Variants in MEDAG observed in about 807,000 individuals in gnomAD.
The protein encoded by MEDAG is mesenteric estrogen-dependent adipogenesis protein.
A neutral mutation model predicts 29.9 loss-of-function variants in MEDAG; 25 were observed. That is an observed-to-expected ratio of 0.84 (90% CI 0.61 to 1.17). MEDAG has a LOEUF of 1.17. MEDAG is among the 50% of genes most tolerant of loss of function. MEDAG has a pLI of 0.00. For missense variants in MEDAG, 398 were observed against 372.9 expected, an observed-to-expected ratio of 1.07 and a Z score of -0.56; for synonymous variants, 158 against 148.2, an observed-to-expected ratio of 1.07 and a Z score of -0.48.
At chr13:30,913,224 T>C (rs540509369) in intron 1 of MEDAG, among the ~76,000 whole-genome samples, 40 of 152,140 alleles carry the variant, frequency 2.6e-4, no homozygotes, top group Admixed American at 1.0e-3. Context: ...GGGTTGTTTG[T>C]TTGTTTGTTG....
Position 30,924,605 on chromosome 13 carries a change from C to A in MEDAG, c.*170C>A. ...TCTTCTGCTTCTGTGGATGTGATGC[C>A]CTGGCAGGCCCAGGGCAGCTGATTC... On this transcript the variant is annotated 3_prime_UTR_variant, in exon 5 of 5. Coordinates refer to ENST00000380482, the MANE Select transcript of MEDAG (RefSeq NM_032849.4). The A allele has an allele frequency of 1.6e-6, 1 of 616,192 alleles. No homozygotes were observed. Among genetic ancestry groups the A allele is most frequent in the South Asian group, 2.8e-5 (1 of 35,770 alleles). The allele number at this position is 616,192 out of a possible 1,614,324, so 38.2% of individuals were successfully genotyped here. A position where few individuals can be genotyped will look rare whatever the true frequency, so the allele number is the denominator to read the frequency against.
intron 1 of MEDAG, among the ~76,000 whole-genome samples, chr13:30,907,890 GATA>G (rs1952845345): frequency 6.6e-6 from 1 of 152,214 alleles, no homozygotes; most frequent in African/African-American, 2.4e-5. Context: ...CTTTTCCAAA[GATA>G]GTGAGGGCTC....
intron 1 of MEDAG, among the ~76,000 whole-genome samples, chr13:30,913,838 C>T (rs543708494): frequency 3.9e-5 from 6 of 152,080 alleles, no homozygotes; most frequent in South Asian, 2.1e-4. Context: ...GTCAGGAGTT[C>T]GAGACCAGCC....
intron 1 of MEDAG, among the ~76,000 whole-genome samples, chr13:30,914,355 A>G (rs1410986304): frequency 6.6e-6 from 1 of 152,142 alleles, no homozygotes; most frequent in African/African-American, 2.4e-5. Flanking sequence ...TCTTGGCACA[A>G]TCTCTTGTCT....
Position 30,925,514 on chromosome 13 carries a change from A to G in MEDAG, c.*1079A>G, listed in dbSNP as rs947196841. ...GAAATGTTATGTACCACATTTGCAC[A>G]ATTAAAACTTTTCTTAGCATTCAAC... On this transcript the variant is annotated 3_prime_UTR_variant, in exon 5 of 5. Coordinates refer to ENST00000380482, the MANE Select transcript of MEDAG (RefSeq NM_032849.4). 6.6e-6 allele frequency: 1 copy of G among 152,200 alleles called. No homozygotes were observed. The highest frequency in any genetic ancestry group is 1.5e-5 in the Non-Finnish European group (1 of 68,036). The allele number at this position is 152,200 out of a possible 1,614,324, so 9.4% of individuals were successfully genotyped here.
intron 1 of MEDAG, among the ~76,000 whole-genome samples, chr13:30,915,234 A>G (rs751757572): frequency 6.6e-5 from 10 of 152,146 alleles, no homozygotes; most frequent in Non-Finnish European, 1.3e-4. Flanking sequence ...TGCCTGCCTA[A>G]TGATGATTTC....
At chr13:30,918,323 T>C (rs2138124240) in intron 2 of MEDAG, among the ~76,000 whole-genome samples, 1 of 152,308 alleles carries the variant, frequency 6.6e-6, no homozygotes, top group Non-Finnish European at 1.5e-5. Context: ...TATCAATAAT[T>C]ATTCTGGGAA....
chr13:30,911,246 G>A (rs534490703), intron 1 of MEDAG, among the ~76,000 whole-genome samples: 55 of 152,266 alleles, frequency 3.6e-4, no homozygotes, highest in Non-Finnish European at 1.8e-4. Context: ...AGATTCTACA[G>A]GTGAGGAAAA....
At chr13:30,915,613 G>A (rs890018860) in intron 1 of MEDAG, among the ~76,000 whole-genome samples, 10 of 152,018 alleles carry the variant, frequency 6.6e-5, no homozygotes, top group African/African-American at 2.2e-4. Flanking sequence ...ATAAAAAAAA[G>A]GGCAGGAAAA....
Position 30,925,571 on chromosome 13 carries a change from C to A in MEDAG, c.*1136C>A, listed in dbSNP as rs149448714. On this transcript the variant is annotated 3_prime_UTR_variant, in exon 5 of 5. Coordinates refer to ENST00000380482, the MANE Select transcript of MEDAG (RefSeq NM_032849.4). ...TTGATTAAATTTATGACTGAGGCTT[C>A]ATGTGAGCTTTCCATTGTGGTTTGT... is the stretch of plus-strand genomic sequence containing the variant. 1 of 152,190 alleles carries A rather than the reference C, an allele frequency of 6.6e-6. No individual in the cohort carries two copies. The highest frequency in any genetic ancestry group is 2.4e-5 in the African/African-American group (1 of 41,438). 9.4% of individuals were successfully genotyped at this position (152,190 alleles called of 1,614,324 possible).
In MEDAG at chr13:30,921,489, G is replaced by A. The variant is rs549429506; in HGVS notation, c.502-72G>A. The A allele has an allele frequency of 8.7e-5, 119 of 1,361,524 alleles. No homozygotes were observed. The African/African-American group carries it at 1.4e-3, about 16-fold the overall frequency. The allele number at this position is 1,361,524 out of a possible 1,614,324, so 84.3% of individuals were successfully genotyped here. ...GGTGTGATGTTTTGGATATTTAGGC[G>A]GTTGTTAGTTCTACAATGTCAACAG... is the stretch of plus-strand genomic sequence containing the variant. On this transcript the variant is annotated intron_variant, in intron 3 of 4. Transcript: ENST00000380482.
chr13:30,923,049 T>C (rs1230571208), intron 4 of MEDAG, among the ~76,000 whole-genome samples: 1 of 152,094 alleles, frequency 6.6e-6, no homozygotes, highest in African/African-American at 2.4e-5. Flanking sequence ...GCCTCCCAAG[T>C]AGCTGGGACT....
Position 30,906,394 on chromosome 13 carries a change from C to G in MEDAG, c.-122C>G. 9.0e-7 allele frequency: 1 copy of G among 1,110,578 alleles called. No homozygotes were observed. The highest frequency in any genetic ancestry group is 2.5e-5 in the South Asian group (1 of 39,880). 68.8% of individuals were successfully genotyped at this position (1,110,578 alleles called of 1,614,324 possible). On this transcript the variant is annotated 5_prime_UTR_variant, in exon 1 of 5. Coordinates refer to ENST00000380482, the MANE Select transcript of MEDAG (RefSeq NM_032849.4). ...GGCCAGGCGGGCAGACCGACCCCCT[C>G]CTCACCTCGCGCGCGGCTGACGCAG...
rs1456590434 is a variant in MEDAG at position 30,921,093 on chromosome 13, C to G, written c.468C>G (p.Ile156Met). Residue 156 changes from isoleucine to methionine, a missense_variant, in exon 3 of 5, where the codon ATC becomes ATG. Transcript: ENST00000380482. Reference sequence around the variant, plus strand: ...TAGAGCAAGGGATGGACATGGTCATCTCCTCAGTGATTGGAGAAAGTTACC... The same window carrying G: ...TAGAGCAAGGGATGGACATGGTCATGTCCTCAGTGATTGGAGAAAGTTACC... ...RQIEQGMDMV[I>M]SSVIGESYRL... 10 of 1,614,142 alleles carry G rather than the reference C, an allele frequency of 6.2e-6. No individual in the cohort carries two copies. Among genetic ancestry groups the G allele is most frequent in the Non-Finnish European group, 6.8e-6 (8 of 1,180,006 alleles).
chr13:30,907,056 G>A (rs1348867322), intron 1 of MEDAG, among the ~76,000 whole-genome samples: 2 of 152,232 alleles, frequency 1.3e-5, no homozygotes, highest in Non-Finnish European at 2.9e-5. Context: ...GCGAGGGGGA[G>A]GGCAGGGGCC....
At position 30,917,404 on chromosome 13, in the gene MEDAG, T is replaced by C. The variant is rs921517854; in HGVS notation, c.280T>C (p.Tyr94His). The C allele has an allele frequency of 6.5e-7, 1 of 1,527,362 alleles. No individual in the cohort carries two copies. Among genetic ancestry groups the C allele is most frequent in the Non-Finnish European group, 9.1e-7 (1 of 1,101,318 alleles). 94.6% of individuals were successfully genotyped at this position (1,527,362 alleles called of 1,614,324 possible). ...LYRLSSYIKR[Y>H]VELTNYCDYK... ...GCAATGATCTCTGCTTCTTCATAGG[T>C]ATGTGGAACTGACCAACTACTGTGA... The change falls in exon 2 of 5, where the codon TAT (tyrosine) becomes CAT (histidine). Residue 94 changes from tyrosine (Y) to histidine (H), a missense_variant and splice_region_variant. Coordinates refer to ENST00000380482, the MANE Select transcript of MEDAG (RefSeq NM_032849.4).
At chr13:30,908,087 C>T (rs183593291) in intron 1 of MEDAG, among the ~76,000 whole-genome samples, 3 of 152,294 alleles carry the variant, frequency 2.0e-5, no homozygotes, top group South Asian at 2.1e-4. Flanking sequence ...CCAGAATGAA[C>T]GAAGCCGTAA....
intron 2 of MEDAG, among the ~76,000 whole-genome samples, chr13:30,918,409 T>A (rs1398648377): frequency 6.6e-6 from 1 of 152,224 alleles, no homozygotes; most frequent in East Asian, 1.9e-4. Context: ...ATTCCCATTT[T>A]ATAGATGAGG....
At position 30,906,541 on chromosome 13, in the gene MEDAG, T is replaced by G. The variant is rs753349582; in HGVS notation, c.26T>G (p.Val9Gly). MAGAACEP[V>G]ARPSLTSISS... Reference sequence around the variant, plus strand: ...ATGGCGGGGGCGGCCTGCGAGCCGGTGGCCAGGCCGAGCCTGACCTCCATC... The same window carrying G: ...ATGGCGGGGGCGGCCTGCGAGCCGGGGGCCAGGCCGAGCCTGACCTCCATC... Residue 9 changes from valine (V) to glycine (G), a missense_variant, in exon 1 of 5, where the codon GTG becomes GGG. Transcript: ENST00000380482. 6.5e-7 allele frequency: 1 copy of G among 1,527,572 alleles called. No homozygotes were observed. Among genetic ancestry groups the G allele is most frequent in the Non-Finnish European group, 8.7e-7 (1 of 1,145,794 alleles). The allele number at this position is 1,527,572 out of a possible 1,614,324, so 94.6% of individuals were successfully genotyped here.
Sources: gnomAD v4.1 joint callset for allele counts (sites outside exome capture counted in the v4.1 genomes callset) on GRCh38, gnomAD v4.1.1 for gene constraint, MANE v1.5 for transcripts, NCBI Gene and HGNC (gene_info 2026-07-23, HGNC 2026-07-21) for gene names.